ENTREP2: variants seen among roughly 807,000 people sequenced by gnomAD.
ENTREP2 encodes the protein endosomal transmembrane epsin interactor 2, also known as protein ENTREP2.
the ENTREP2 span, among the ~76,000 whole-genome samples, chr15:29,429,324 CA>C: frequency 6.6e-6 from 1 of 152,192 alleles, no homozygotes; most frequent in Non-Finnish European, 1.5e-5. Context: ...CAGGCTCCAG[CA>C]ATCCTCCTGC....
At chr15:29,663,241 C>T in the ENTREP2 span, among the ~76,000 whole-genome samples, 1 of 151,594 alleles carries the variant, frequency 6.6e-6, no homozygotes, top group African/African-American at 2.4e-5. Context: ...GGTGGGGTGG[C>T]GGGTGCAGTG....
the ENTREP2 span, among the ~76,000 whole-genome samples, chr15:29,248,741 A>C: frequency 6.6e-6 from 1 of 152,312 alleles, no homozygotes; most frequent in Non-Finnish European, 1.5e-5. Flanking sequence ...AAAAAGAATA[A>C]CAACTTTCAG....
the ENTREP2 span, chr15:29,613,939 C>T: frequency 6.3e-6 from 1 of 159,032 alleles, no homozygotes; most frequent in Non-Finnish European, 1.4e-5. Context: ...ACCAGGACTG[C>T]CTTCTTCCAT....
At chr15:29,472,414 CACACACA>C in the ENTREP2 span, among the ~76,000 whole-genome samples, 6 of 137,930 alleles carry the variant, frequency 4.4e-5, no homozygotes, top group South Asian at 1.4e-3. Flanking sequence ...ATTTTATACA[CACACACA>C]ACACACAACA....
At chr15:29,576,964 C>CG in the ENTREP2 span, among the ~76,000 whole-genome samples, 1,139 of 152,132 alleles carry the variant, frequency 7.5e-3, 12 homozygotes, top group African/African-American at 0.026. Flanking sequence ...CCCGCCACCG[C>CG]ACCCGCTAAT....
At chr15:29,666,980 A>T in the ENTREP2 span, among the ~76,000 whole-genome samples, 1 of 151,928 alleles carries the variant, frequency 6.6e-6, no homozygotes, top group African/African-American at 2.4e-5. Flanking sequence ...CGTCATTCCA[A>T]TCTCTGCCTC....
the ENTREP2 span, among the ~76,000 whole-genome samples, chr15:29,411,974 A>T: frequency 6.6e-6 from 1 of 152,178 alleles, no homozygotes; most frequent in African/African-American, 2.4e-5. Context: ...TACTGTCTAT[A>T]GCTTAAAAAT....
the ENTREP2 span, among the ~76,000 whole-genome samples, chr15:29,593,703 C>T: frequency 1.6e-4 from 25 of 152,318 alleles, no homozygotes; most frequent in African/African-American, 5.8e-4. Flanking sequence ...ATGCTTTTCA[C>T]ATTGCGTCAG....
At chr15:29,335,268 C>T in the ENTREP2 span, among the ~76,000 whole-genome samples, 1 of 152,148 alleles carries the variant, frequency 6.6e-6, no homozygotes, top group East Asian at 1.9e-4. Flanking sequence ...TGGGTTTATC[C>T]GGAGGCTACG....
the ENTREP2 span, among the ~76,000 whole-genome samples, chr15:29,385,217 A>G: frequency 6.6e-6 from 1 of 152,200 alleles, no homozygotes; most frequent in Admixed American, 6.5e-5. Flanking sequence ...CTGGAAGTAC[A>G]TAAAACTTCC....
the ENTREP2 span, among the ~76,000 whole-genome samples, chr15:29,343,444 G>T: frequency 9.9e-5 from 15 of 152,030 alleles, no homozygotes; most frequent in African/African-American, 3.4e-4. Context: ...TTTCCAGCCT[G>T]CAGAATTCAG....
chr15:29,225,374 C>G, the ENTREP2 span, among the ~76,000 whole-genome samples: 1 of 152,240 alleles, frequency 6.6e-6, no homozygotes, highest in African/African-American at 2.4e-5. Flanking sequence ...TCGGGGATCT[C>G]CCAAGAAATG....
chr15:29,335,514 A>G, the ENTREP2 span, among the ~76,000 whole-genome samples: 1 of 152,224 alleles, frequency 6.6e-6, no homozygotes, highest in Non-Finnish European at 1.5e-5. Context: ...TCAACCCCAC[A>G]GCAGAGGTCA....
At chr15:29,315,946 T>C in the ENTREP2 span, among the ~76,000 whole-genome samples, 1 of 134,468 alleles carries the variant, frequency 7.4e-6, no homozygotes, top group African/African-American at 2.9e-5. Context: ...TGTGCTTGCT[T>C]ATAATTTAGA....
chr15:29,517,769 T>G, the ENTREP2 span, among the ~76,000 whole-genome samples: 1 of 152,116 alleles, frequency 6.6e-6, no homozygotes, highest in African/African-American at 2.4e-5. Flanking sequence ...TTTATGTCAT[T>G]TTTCTTCTTC....
the ENTREP2 span, among the ~76,000 whole-genome samples, chr15:29,665,747 A>T: frequency 6.6e-6 from 1 of 152,002 alleles, no homozygotes; most frequent in Non-Finnish European, 1.5e-5. Context: ...TTCTGTGGTT[A>T]AACACATTTA....
the ENTREP2 span, among the ~76,000 whole-genome samples, chr15:29,488,127 C>A: frequency 2.6e-5 from 4 of 151,874 alleles, no homozygotes; most frequent in African/African-American, 9.7e-5. Context: ...AAATCAACTG[C>A]CCTAAATATG....
chr15:29,480,411 G>A, the ENTREP2 span, among the ~76,000 whole-genome samples: 1 of 148,334 alleles, frequency 6.7e-6, no homozygotes, highest in Non-Finnish European at 1.5e-5. Flanking sequence ...CAGTCCTAAG[G>A]AGATAGCTTC....
chr15:29,283,473 C>A, the ENTREP2 span, among the ~76,000 whole-genome samples: 2 of 152,158 alleles, frequency 1.3e-5, no homozygotes, highest in African/African-American at 4.8e-5. Context: ...CTCAGCCTTT[C>A]CAGTAGCTGG....
Sources: allele counts gnomAD v4.1 joint callset (sites outside exome capture counted in the v4.1 genomes callset), GRCh38; gene constraint gnomAD v4.1.1; transcripts MANE v1.5; gene names NCBI Gene and HGNC (gene_info 2026-07-23, HGNC 2026-07-21).